Variants in ZNF487 observed in about 807,000 individuals in gnomAD.
ZNF487 encodes the protein zinc finger protein 487, also known as KRAB domain only 1.
Under a neutral mutation model 3.0 loss-of-function variants are expected in ZNF487, and 4 were observed. The observed-to-expected ratio is 1.35, with a 90% CI of 0.66 to 3.08. ZNF487 has a LOEUF of 3.08. Among genes scored for constraint, ZNF487 ranks in the 30% most tolerant of loss-of-function variants. ZNF487 has a pLI of 0.01. For synonymous variants in ZNF487, 55 were observed against 34.6 expected (o/e 1.59, Z -2.06); for missense variants, 146 against 98.7 (o/e 1.48, Z -2.03).
intron 1 of ZNF487, among the ~76,000 whole-genome samples, chr10:43,443,584 G>A: frequency 6.6e-6 from 1 of 151,790 alleles, no homozygotes; most frequent in Admixed American, 6.6e-5. Context: ...ATGTTGGCCA[G>A]GCTGGTCTCG....
At chr10:43,493,373 C>T in the ZNF487 span, among the ~76,000 whole-genome samples, 4 of 151,876 alleles carry the variant, frequency 2.6e-5, no homozygotes, top group Non-Finnish European at 5.9e-5. Context: ...GCTTTATTCT[C>T]TGTCTTTGTA....
At chr10:43,498,128 T>A in the ZNF487 span, among the ~76,000 whole-genome samples, 8 of 35,998 alleles carry the variant, frequency 2.2e-4, no homozygotes, top group South Asian at 1.9e-3. Flanking sequence ...TTTTTTTTTT[T>A]TTTTTTTTTT....
chr10:43,500,452 C>T, the ZNF487 span, among the ~76,000 whole-genome samples: 2 of 152,196 alleles, frequency 1.3e-5, no homozygotes, highest in Admixed American at 1.3e-4. Flanking sequence ...AACAACCCCC[C>T]ACCCCTGGCT....
chr10:43,504,274 A>G, the ZNF487 span, among the ~76,000 whole-genome samples: 3 of 143,304 alleles, frequency 2.1e-5, no homozygotes, highest in Non-Finnish European at 3.0e-5. Context: ...TGTTAGATAC[A>G]TGTTTTCTTT....
At chr10:43,450,086 C>G (rs1383370630) in intron 1 of ZNF487, among the ~76,000 whole-genome samples, 1 of 152,084 alleles carries the variant, frequency 6.6e-6, no homozygotes, top group Non-Finnish European at 1.5e-5. Context: ...TCTTTTTGCC[C>G]GGGCTGGAGT....
intron 1 of ZNF487, among the ~76,000 whole-genome samples, chr10:43,450,402 G>T (rs1839965659): frequency 6.6e-6 from 1 of 151,790 alleles, no homozygotes. Context: ...GCCCAGGCTG[G>T]AGTGCAATGG....
intron 1 of ZNF487, among the ~76,000 whole-genome samples, chr10:43,474,147 C>T (rs571046621): frequency 1.5e-5 from 2 of 136,772 alleles, no homozygotes; most frequent in Non-Finnish European, 3.2e-5. Context: ...GGTGACAGAA[C>T]AAGACCGTGT....
rs201513596 is a variant in ZNF487 at position 43,480,044 on chromosome 10, T to TTTC, written c.131-1383_131-1382insCTT. On this transcript the variant is annotated intron_variant, in intron 3 of 3. Transcript: ENST00000437590. Reference sequence around the variant, plus strand: ...CTTTCTTTCTTTCTTTCTTTCTTTCTTTTTCTTTCTTTCTTCCTTGCTTCC... The same window carrying TTTC: ...CTTTCTTTCTTTCTTTCTTTCTTTCTTTCTTTTCTTTCTTTCTTCCTTGCTTCC... Among the ~76,000 whole-genome samples the TTTC allele has an allele frequency of 7.3e-3, 183 of 24,944 alleles. 4 individuals are homozygous for TTTC. The highest frequency in any genetic ancestry group is 0.028 in the East Asian group (14 of 498). The allele number at this position is 24,944 out of a possible 152,430, so 16.4% of individuals were successfully genotyped here. A position where few individuals can be genotyped will look rare whatever the true frequency, so the allele number is the denominator to read the frequency against.
chr10:43,497,470 A>AT, the ZNF487 span, among the ~76,000 whole-genome samples: 1 of 152,204 alleles, frequency 6.6e-6, no homozygotes, highest in Non-Finnish European at 1.5e-5. Context: ...TGAAGAGAAC[A>AT]TGCCAGCTGA....
intron 1 of ZNF487, among the ~76,000 whole-genome samples, chr10:43,456,830 C>T (rs1434995285): frequency 6.6e-6 from 1 of 152,222 alleles, no homozygotes; most frequent in Non-Finnish European, 1.5e-5. Context: ...ATCCGCGCGC[C>T]TCTGCCTCCC....
chr10:43,500,164 C>G, the ZNF487 span, among the ~76,000 whole-genome samples: 1 of 152,130 alleles, frequency 6.6e-6, no homozygotes, highest in Non-Finnish European at 1.5e-5. Flanking sequence ...CATGAGCCAC[C>G]ATGCCTGGCT....
At chr10:43,462,311 A>G (rs144612408) in intron 1 of ZNF487, among the ~76,000 whole-genome samples, 2,019 of 152,200 alleles carry the variant, frequency 0.013, 22 homozygotes, top group Middle Eastern at 0.065. Flanking sequence ...TAGCCACGTA[A>G]TCATTGATTA....
intron 1 of ZNF487, among the ~76,000 whole-genome samples, chr10:43,465,135 C>CG (rs1368859885): frequency 8.6e-6 from 1 of 115,938 alleles, no homozygotes; most frequent in African/African-American, 3.2e-5. Flanking sequence ...GCTGGCCGGG[C>CG]GGGGGGCTGA....
At chr10:43,499,246 T>C in the ZNF487 span, among the ~76,000 whole-genome samples, 1 of 152,104 alleles carries the variant, frequency 6.6e-6, no homozygotes, top group South Asian at 2.1e-4. Context: ...AAAAGGGTAA[T>C]AAAGTATTGG....
chr10:43,447,068 A>G (rs1839838082), intron 1 of ZNF487, among the ~76,000 whole-genome samples: 1 of 151,784 alleles, frequency 6.6e-6, no homozygotes, highest in African/African-American at 2.4e-5. Flanking sequence ...GTGCCCCTAC[A>G]ATCCCAGGCA....
At chr10:43,456,986 G>T (rs1840229143) in intron 1 of ZNF487, among the ~76,000 whole-genome samples, 1 of 152,168 alleles carries the variant, frequency 6.6e-6, no homozygotes, top group African/African-American at 2.4e-5. Flanking sequence ...ACCGCAGGTG[G>T]CCTTGAGAGA....
chr10:43,502,482 C>T, the ZNF487 span, among the ~76,000 whole-genome samples: 1 of 151,862 alleles, frequency 6.6e-6, no homozygotes, highest in African/African-American at 2.4e-5. Flanking sequence ...TGTAACAAAC[C>T]TGCACATTGT....
chr10:43,463,331 A>G (rs971494647), intron 1 of ZNF487, among the ~76,000 whole-genome samples: 1 of 152,064 alleles, frequency 6.6e-6, no homozygotes, highest in Non-Finnish European at 1.5e-5. Flanking sequence ...TGAGGTCATT[A>G]GTTTGAGACC....
At chr10:43,441,429 C>A (rs1013389402) in intron 1 of ZNF487, among the ~76,000 whole-genome samples, 2 of 151,980 alleles carry the variant, frequency 1.3e-5, no homozygotes, top group Non-Finnish European at 2.9e-5. Context: ...CCGGGCCCGG[C>A]TAATTTTTTG....
Sources: gnomAD v4.1 joint callset for allele counts (sites outside exome capture counted in the v4.1 genomes callset) on GRCh38, gnomAD v4.1.1 for gene constraint, MANE v1.5 for transcripts, NCBI Gene and HGNC (gene_info 2026-07-23, HGNC 2026-07-21) for gene names.